The following SEC24C variants were observed in gnomAD, a reference collection of about 807,000 sequenced individuals.
SEC24C encodes the protein protein transport protein Sec24C.
SEC24C carries 22 observed loss-of-function variants against 117.0 expected under a neutral mutation model. The ratio of observed to expected loss-of-function variants is 0.19; its 90% CI spans 0.13 to 0.27. The LOEUF (loss-of-function observed/expected upper bound fraction) is 0.27, where lower values mean the gene tolerates loss of function less well. Ranked by LOEUF, SEC24C falls within the 10% of genes least tolerant of loss-of-function variation. The pLI is 1.00. For synonymous variants in SEC24C, 506 were observed against 529.4 expected, an observed-to-expected ratio of 0.96 and a Z score of 0.61; for missense variants, 1,155 against 1,375.1, an observed-to-expected ratio of 0.84 and a Z score of 2.53.
At chr10:73,758,526 C>T (rs1051509262) in intron 3 of SEC24C, among the ~76,000 whole-genome samples, 1 of 152,136 alleles carries the variant, frequency 6.6e-6, no homozygotes, top group Non-Finnish European at 1.5e-5. Context: ...AGAAGAAATA[C>T]TGCATTCTTT....
In SEC24C at chr10:73,767,152, C is replaced by G; in HGVS notation, c.1992C>G (p.Ile664Met). The change falls in exon 14 of 23, where the codon ATC (isoleucine) becomes ATG (methionine). Residue 664 changes from isoleucine (I) to methionine (M), a missense_variant. Around this residue, in one of 2 missense-constraint regions of SEC24C, gnomAD observed 759 missense variants for 992.3 expected, o/e 0.76. Coordinates refer to ENST00000345254, the MANE Select transcript of SEC24C (RefSeq NM_198597.3). ...AGAACAGAGATGACAGGAAGCTGATCAATACAGACAAGGAGAAGGTGTGGG... is the reference window on the plus strand; with the variant it reads ...AGAACAGAGATGACAGGAAGCTGATGAATACAGACAAGGAGAAGGTGTGGG... ...KLKNRDDRKL[I>M]NTDKEKTLFQ... 6.2e-7 allele frequency: 1 copy of G among 1,611,612 alleles called. No individual in the cohort carries two copies. The highest frequency in any genetic ancestry group is 8.5e-7 in the Non-Finnish European group (1 of 1,177,836).
chr10:73,767,065 T>C lies in SEC24C; in HGVS notation c.1905T>C (p.Cys635=). The C allele has an allele frequency of 6.2e-7, 1 of 1,613,256 alleles. No individual in the cohort carries two copies. The highest frequency in any genetic ancestry group is 2.2e-5 in the East Asian group (1 of 44,882). The part of the protein sequence containing the change: ...AGMEALKAAE[C]AGKLFLFHTS... ...CTCTTTTTTCCTAGGCTGCTGAGTGTGCAGGGAAGCTCTTTCTATTCCATA... is the reference window on the plus strand; with the variant it reads ...CTCTTTTTTCCTAGGCTGCTGAGTGCGCAGGGAAGCTCTTTCTATTCCATA... The change falls in exon 14 of 23, where the codon TGT becomes TGC. Residue 635 remains cysteine (C), a synonymous_variant. Transcript: ENST00000345254.
At chr10:73,762,953 C>T (rs2082819805) in intron 6 of SEC24C, among the ~76,000 whole-genome samples, 1 of 152,216 alleles carries the variant, frequency 6.6e-6, no homozygotes, top group Admixed American at 6.5e-5. Flanking sequence ...TCTGCTTCCT[C>T]ACCTTACTTG....
chr10:73,763,907 C>T lies in SEC24C; in HGVS notation c.1151C>T (p.Thr384Ile), dbSNP rs764420665. 7 of 1,613,710 alleles carry T rather than the reference C, an allele frequency of 4.3e-6. No individual in the cohort carries two copies. The highest frequency in any genetic ancestry group is 4.5e-5 in the East Asian group (2 of 44,838). ...IRCTSYNIPC[T>I]SDMAKQAQVP... Reference sequence around the variant, plus strand: ...TGTACATCCTATAATATCCCTTGCACATCTGACATGGCTAAGCAGGCTCAG... The same window carrying T: ...TGTACATCCTATAATATCCCTTGCATATCTGACATGGCTAAGCAGGCTCAG... The change falls in exon 8 of 23, where the codon ACA becomes ATA. Residue 384 changes from threonine to isoleucine, a missense_variant. By Grantham distance (89) the Thr-to-Ile change is moderately conservative (BLOSUM62 -1). Transcript: ENST00000345254.
chr10:73,756,745 C>T (rs934158863), intron 3 of SEC24C, among the ~76,000 whole-genome samples: 7 of 151,832 alleles, frequency 4.6e-5, no homozygotes, highest in Admixed American at 6.6e-5. Context: ...GGATTCCAGG[C>T]ATGACCACCA....
chr10:73,760,284 C>A lies in SEC24C; in HGVS notation c.748C>A (p.Pro250Thr), dbSNP rs1302562607. 7 of 1,613,840 alleles carry A rather than the reference C, an allele frequency of 4.3e-6. No individual in the cohort carries two copies. In the African/African-American group the frequency reaches 8.0e-5, roughly 18 times the overall value. ...GAGCCAGCCCAACCATGTGTCTTCA[C>A]CTCCTCAAGCTCTGCCCCCTGGCAC... Reference protein sequence around the residue: ...SVSQPNHVSSPPQALPPGTQM... With the variant: ...SVSQPNHVSSTPQALPPGTQM... Residue 250 changes from proline (P) to threonine (T), a missense_variant, in exon 5 of 23, where the codon CCT becomes ACT. Physicochemically the swap from Pro to Thr is conservative, Grantham distance 38. Coordinates refer to ENST00000345254, the MANE Select transcript of SEC24C (RefSeq NM_198597.3).
intron 1 of SEC24C, among the ~76,000 whole-genome samples, chr10:73,744,936 C>T (rs1413346115): frequency 1.3e-5 from 2 of 152,120 alleles, no homozygotes; most frequent in Non-Finnish European, 2.9e-5. Flanking sequence ...CTTTACCCCT[C>T]CCCCCGGCTT....
chr10:73,769,125 C>A lies in SEC24C; in HGVS notation c.2397C>A (p.Leu799=). 1 of 1,614,104 alleles carries A rather than the reference C, an allele frequency of 6.2e-7. No individual in the cohort carries two copies. The change falls in exon 17 of 23, where the codon CTC becomes CTA. Residue 799 remains leucine, a synonymous_variant. Transcript: ENST00000345254. This position sits in a 1 kb window ranked among gnomAD's most constrained non-coding sequence, Gnocchi z 4.5. ...TGGAGTTCAAGCATGACGATCGGCTCAATGAAGAGAGCGGAGCTCTCCTGC... is the reference window on the plus strand; with the variant it reads ...TGGAGTTCAAGCATGACGATCGGCTAAATGAAGAGAGCGGAGCTCTCCTGC... ...VTVEFKHDDR[L]NEESGALLQC... is the part of the protein sequence containing the mutation.
chr10:73,749,833 C>T (rs953468095), intron 2 of SEC24C, among the ~76,000 whole-genome samples: 1 of 152,204 alleles, frequency 6.6e-6, no homozygotes, highest in South Asian at 2.1e-4. Flanking sequence ...TGAGCCACCA[C>T]GTCCAGCCTT....
Position 73,765,802 on chromosome 10 carries a change from C to T in SEC24C, c.1369C>T (p.Pro457Ser). The change falls in exon 10 of 23, where the codon CCC becomes TCC. Residue 457 changes from proline (P) to serine (S), a missense_variant and splice_region_variant. Physicochemically the swap from Pro to Ser is moderately conservative, Grantham distance 74. This residue lies in a region of SEC24C where 759 missense variants were observed against 992.3 expected (regional missense o/e 0.76). Coordinates refer to ENST00000345254, the MANE Select transcript of SEC24C (RefSeq NM_198597.3). ...CCFCSCINDV[P>S]PQYFQHLDHT... ...ACACACTGCCATGCTTCCCACAGTT[C>T]CCCCCCAGTATTTTCAGCACCTGGA... is the stretch of plus-strand genomic sequence containing the variant. 1.2e-6 allele frequency: 2 copies of T among 1,609,780 alleles called. No individual in the cohort carries two copies. The highest frequency in any genetic ancestry group is 1.7e-6 in the Non-Finnish European group (2 of 1,176,268).
chr10:73,771,017 CAAG>C lies in SEC24C; in HGVS notation c.3209_3211del (p.Lys1070del). On this transcript the variant is annotated inframe_deletion, in exon 23 of 23. Coordinates refer to ENST00000345254, the MANE Select transcript of SEC24C (RefSeq NM_198597.3). ...TGTTCAAGCACTTCCTGGTGGAAGACAAGAGTCTGAGTGGGGGAGCATCTTATG... is the reference window on the plus strand; with the variant it reads ...TGTTCAAGCACTTCCTGGTGGAAGACAGTCTGAGTGGGGGAGCATCTTATG... 2 of 1,614,162 alleles carry C rather than the reference CAAG, an allele frequency of 1.2e-6. No homozygotes were observed. Among genetic ancestry groups the C allele is most frequent in the Non-Finnish European group, 8.5e-7 (1 of 1,180,040 alleles).
Position 73,760,351 on chromosome 10 carries a change from C to T in SEC24C, c.815C>T (p.Ser272Phe), listed in dbSNP as rs754859500. 27 of 1,605,012 alleles carry T rather than the reference C, an allele frequency of 1.7e-5. No individual in the cohort carries two copies. The highest frequency in any genetic ancestry group is 2.2e-5 in the Non-Finnish European group (26 of 1,177,152). ...CTGGGACCACTGCCACCTATGCACTCCCCGCAGCAGCCAGGCTATCAGCCC... is the reference window on the plus strand; with the variant it reads ...CTGGGACCACTGCCACCTATGCACTTCCCGCAGCAGCCAGGCTATCAGCCC... ...GPLGPLPPMHSPQQPGYQPQQ... is the reference protein window; with the variant it reads ...GPLGPLPPMHFPQQPGYQPQQ... The change falls in exon 5 of 23, where the codon TCC (serine) becomes TTC (phenylalanine). Residue 272 changes from serine (S) to phenylalanine (F), a missense_variant. Physicochemically the swap from Ser to Phe is radical, Grantham distance 155. Transcript: ENST00000345254.
chr10:73,755,919 T>G (rs913068311), intron 3 of SEC24C, among the ~76,000 whole-genome samples: 1 of 151,700 alleles, frequency 6.6e-6, no homozygotes, highest in African/African-American at 2.4e-5. Context: ...TGGCACGATC[T>G]CTGCTCACTG....
intron 15 of SEC24C, 79 bp from the exon 16 acceptor site, chr10:73,768,731 T>G: frequency 7.6e-7 from 1 of 1,315,572 alleles, no homozygotes; most frequent in Non-Finnish European, 1.1e-6. Flanking sequence ...CCTTGTAGAG[T>G]GGAAGGGGTA....
chr10:73,770,034 G>C lies in SEC24C; in HGVS notation c.2862+19G>C. On this transcript the variant is annotated intron_variant, in intron 20 of 22. Coordinates refer to ENST00000345254, the MANE Select transcript of SEC24C (RefSeq NM_198597.3). ...ACCTTTGGTGCGATTGAGGGTTGGA[G>C]TATGAGATCTTGCACGGAGCAAAGG... 2 of 1,612,598 alleles carry C rather than the reference G, an allele frequency of 1.2e-6. No individual in the cohort carries two copies. The highest frequency in any genetic ancestry group is 1.7e-6 in the Non-Finnish European group (2 of 1,178,768).
intron 4 of SEC24C, 23 bp from the exon 5 acceptor site, chr10:73,759,993 ACT>A (rs1254210460): frequency 9.1e-6 from 14 of 1,538,328 alleles, no homozygotes; most frequent in Non-Finnish European, 1.1e-5. Context: ...TGGGCTTTTG[ACT>A]CTACCTTTAT....
chr10:73,768,126 G>A (rs917222153), intron 15 of SEC24C, 119 bp downstream of exon 15: 21 of 923,208 alleles, frequency 2.3e-5, no homozygotes, highest in East Asian at 5.7e-5. Flanking sequence ...CCTCACACCT[G>A]TAATCCTAGC....
intron 3 of SEC24C, among the ~76,000 whole-genome samples, chr10:73,757,316 A>G (rs2082724460): frequency 6.8e-6 from 1 of 147,984 alleles, no homozygotes; most frequent in Non-Finnish European, 1.5e-5. Flanking sequence ...TTGAGGCCAG[A>G]AGTTTTAGAC....
chr10:73,770,138 T>A, intron 20 of SEC24C, 123 bp downstream of exon 20: 2 of 1,246,072 alleles, frequency 1.6e-6, no homozygotes, highest in Non-Finnish European at 2.3e-6. Flanking sequence ...TTAGCTGATG[T>A]AATTTTCACA....
Sources: gnomAD v4.1 joint callset for allele counts (sites outside exome capture counted in the v4.1 genomes callset) on GRCh38, gnomAD v4.1.1 for gene constraint, gnomAD v4.1.1 regional missense constraint, Gnocchi (gnomAD v3.1) non-coding constraint, MANE v1.5 for transcripts, NCBI Gene and HGNC (gene_info 2026-07-23, HGNC 2026-07-21) for gene names.